The following FRRS1 variants were observed in gnomAD, a reference collection of about 807,000 sequenced individuals.
The protein encoded by FRRS1 is ferric chelate reductase 1.
In FRRS1, 51 loss-of-function variants were observed where a neutral mutation model predicts 70.7. The ratio of observed to expected loss-of-function variants is 0.72; its 90% CI spans 0.58 to 0.91. The LOEUF is 0.91. FRRS1 is among the 40% of genes least tolerant of loss of function. FRRS1 has a pLI of 0.00. For synonymous variants in FRRS1, 225 were observed against 238.7 expected, an observed-to-expected ratio of 0.94 and a Z score of 0.53; for missense variants, 672 against 726.0, an observed-to-expected ratio of 0.93 and a Z score of 0.86.
chr1:99,710,942 C>A lies in FRRS1; in HGVS notation c.1488G>T (p.Ala496=). ...CTGGTAAATCCATTCCCAGGAACATCGCTGCCACTACATACAAAAGAAAAA... is the reference window on the plus strand; with the variant it reads ...CTGGTAAATCCATTCCCAGGAACATAGCTGCCACTACATACAAAAGAAAAA... ...GTAARIIAVA[A]MFLGMDLPGL... The change falls in exon 15 of 17, where the codon GCG becomes GCT. Residue 496 remains alanine (A), a synonymous_variant. Transcript: ENST00000646001. 2 of 1,612,736 alleles carry A rather than the reference C, an allele frequency of 1.2e-6. No homozygotes were observed. The highest frequency in any genetic ancestry group is 1.7e-6 in the Non-Finnish European group (2 of 1,179,226).
At chr1:99,722,017 T>C (rs928402318) in intron 9 of FRRS1, among the ~76,000 whole-genome samples, 5 of 151,894 alleles carry the variant, frequency 3.3e-5, no homozygotes, top group Non-Finnish European at 5.9e-5. Flanking sequence ...TTTATTATTA[T>C]TATTATTTTT....
intron 12 of FRRS1, among the ~76,000 whole-genome samples, chr1:99,713,787 G>A (rs1391829149): frequency 6.6e-6 from 1 of 152,148 alleles, no homozygotes; most frequent in East Asian, 1.9e-4. Flanking sequence ...AGTAGTGTTG[G>A]AAGGGAGATC....
At chr1:99,747,732 T>C in intron 3 of FRRS1, 1 of 250,576 alleles carries the variant, frequency 4.0e-6, no homozygotes, top group South Asian at 6.4e-5. Flanking sequence ...TGATACCAAT[T>C]GGGTACTATG....
intron 8 of FRRS1, among the ~76,000 whole-genome samples, chr1:99,728,925 T>C (rs1655206707): frequency 6.6e-6 from 1 of 152,234 alleles, no homozygotes; most frequent in South Asian, 2.1e-4. Context: ...ACAGATGTAC[T>C]AACTCCATCT....
In FRRS1 at chr1:99,715,564, A is replaced by AC. The variant is rs768756418; in HGVS notation, c.1323+21dup. The AC allele has an allele frequency of 6.5e-6, 9 of 1,380,944 alleles. No homozygotes were observed. The South Asian group carries it at 8.5e-5, about 13-fold the overall frequency. The allele number at this position is 1,380,944 out of a possible 1,614,324, so 85.5% of individuals were successfully genotyped here. A position where few individuals can be genotyped will look rare whatever the true frequency, so the allele number is the denominator to read the frequency against. ...GACATAAAATGGATTTATAAAAAAA[A>AC]CCCTATTTAAGATATACTTACCCTA... On this transcript the variant is annotated intron_variant, in intron 12 of 16. Transcript: ENST00000646001.
intron 9 of FRRS1, among the ~76,000 whole-genome samples, chr1:99,728,160 T>C (rs1655158579): frequency 1.3e-5 from 2 of 152,264 alleles, no homozygotes; most frequent in Admixed American, 1.3e-4. Flanking sequence ...CTAGGTCCCC[T>C]GCAATGTTAA....
At chr1:99,749,676 G>A (rs539770012) in intron 1 of FRRS1, among the ~76,000 whole-genome samples, 1 of 152,278 alleles carries the variant, frequency 6.6e-6, no homozygotes, top group Admixed American at 6.5e-5. Flanking sequence ...TCTGAATTAA[G>A]AAACACAATT....
chr1:99,747,516 G>C, intron 3 of FRRS1, 86 bp from the exon 4 acceptor site: 1 of 1,238,920 alleles, frequency 8.1e-7, no homozygotes, highest in South Asian at 1.5e-5. Context: ...ATTACAATGA[G>C]GTCTACATAT....
intron 4 of FRRS1, among the ~76,000 whole-genome samples, chr1:99,743,584 C>T (rs1439382711): frequency 6.6e-6 from 1 of 152,152 alleles, no homozygotes; most frequent in East Asian, 1.9e-4. Flanking sequence ...TCAAAACATA[C>T]ATACACAAAC....
At chr1:99,728,399 A>G (rs1478970614) in intron 9 of FRRS1, 94 bp downstream of exon 9, 1 of 1,043,570 alleles carries the variant, frequency 9.6e-7, no homozygotes, top group Non-Finnish European at 1.4e-6. Context: ...TGCCTTAAAA[A>G]CGGGCAATTA....
At chr1:99,726,981 C>T (rs1655108185) in intron 9 of FRRS1, among the ~76,000 whole-genome samples, 1 of 152,206 alleles carries the variant, frequency 6.6e-6, no homozygotes, top group Non-Finnish European at 1.5e-5. Context: ...TTTCAAAGTG[C>T]TGGGATTATA....
chr1:99,744,064 TA>T (rs112254806), intron 4 of FRRS1, among the ~76,000 whole-genome samples: 315 of 124,152 alleles, frequency 2.5e-3, no homozygotes, highest in Non-Finnish European at 2.8e-3. Flanking sequence ...AGAACGATTG[TA>T]AAAAAAAAAA....
In FRRS1 at chr1:99,704,488, AG is replaced by A. The variant is rs1418170365; in HGVS notation, c.*4539del. ...AGGAGGGAAAGGAAGTGCTGGGTAG[AG>A]GAGGGCGTGGTCCCTGGCGAGGGCT... On this transcript the variant is annotated 3_prime_UTR_variant, in exon 17 of 17. Transcript: ENST00000646001. Among the ~76,000 whole-genome samples, 1 of 152,150 alleles carries A rather than the reference AG, an allele frequency of 6.6e-6. No homozygotes were observed. The highest frequency in any genetic ancestry group is 1.5e-5 in the Non-Finnish European group (1 of 68,032).
chr1:99,724,403 A>G (rs539715010), intron 9 of FRRS1, among the ~76,000 whole-genome samples: 4 of 152,340 alleles, frequency 2.6e-5, no homozygotes, highest in Admixed American at 2.6e-4. Flanking sequence ...CAGTTTAAAC[A>G]CTCAGTATTT....
intron 9 of FRRS1, among the ~76,000 whole-genome samples, chr1:99,722,138 T>C (rs1038030656): frequency 2.6e-5 from 4 of 151,938 alleles, no homozygotes; most frequent in East Asian, 1.9e-4. Flanking sequence ...GCCTCCCAAG[T>C]AGCTGGGACC....
At chr1:99,756,924 C>T (rs1465134924) in intron 1 of FRRS1, among the ~76,000 whole-genome samples, 2 of 152,002 alleles carry the variant, frequency 1.3e-5, no homozygotes, top group Non-Finnish European at 2.9e-5. Flanking sequence ...CTCTACATTA[C>T]CTAAGATATG....
At chr1:99,712,552 C>A (rs748186245) in intron 12 of FRRS1, 37 bp from the exon 13 acceptor site, 1 of 1,165,778 alleles carries the variant, frequency 8.6e-7, no homozygotes, top group South Asian at 1.3e-5. Flanking sequence ...GCCTCAATCT[C>A]TCTCATCAAT....
intron 1 of FRRS1, among the ~76,000 whole-genome samples, chr1:99,758,389 A>G (rs562011913): frequency 2.0e-5 from 3 of 152,388 alleles, no homozygotes; most frequent in Admixed American, 6.5e-5. Context: ...GCAGGAAGTC[A>G]GGGACACTGA....
chr1:99,735,425 G>A (rs990040344), intron 7 of FRRS1, among the ~76,000 whole-genome samples: 3 of 152,118 alleles, frequency 2.0e-5, no homozygotes, highest in African/African-American at 7.2e-5. Flanking sequence ...TTAGGTTATC[G>A]AATGAGTATT....
Sources: allele counts gnomAD v4.1 joint callset (sites outside exome capture counted in the v4.1 genomes callset), GRCh38; gene constraint gnomAD v4.1.1; transcripts MANE v1.5; gene names NCBI Gene and HGNC (gene_info 2026-07-23, HGNC 2026-07-21).